Variants in C16orf89 observed in about 807,000 individuals in gnomAD.
C16orf89 encodes UPF0764 protein C16orf89.
Under a neutral mutation model 41.5 loss-of-function variants are expected in C16orf89, and 57 were observed. That is an observed-to-expected ratio of 1.38 (90% CI 1.11 to 1.71). The LOEUF is 1.71. Ranked by LOEUF, C16orf89 falls within the 40% of genes most tolerant of loss-of-function variation. The pLI is 0.00. For synonymous variants in C16orf89, 223 were observed against 190.6 expected, an observed-to-expected ratio of 1.17 and a Z score of -1.40; for missense variants, 575 against 445.9, an observed-to-expected ratio of 1.29 and a Z score of -2.61.
chr16:5,057,004 C>G (rs1956521619), intron 4 of C16orf89, among the ~76,000 whole-genome samples: 1 of 150,960 alleles, frequency 6.6e-6, no homozygotes, highest in African/African-American at 2.4e-5. Flanking sequence ...CTTTGGGAGG[C>G]CGAGGCGGGT....
At chr16:5,055,803 G>C in intron 5 of C16orf89, 4 of 1,444,524 alleles carry the variant, frequency 2.8e-6, no homozygotes, top group Non-Finnish European at 3.8e-6. Context: ...GATAAACAAT[G>C]AATATAATTT....
At chr16:5,046,162 A>T (rs891678180) in intron 7 of C16orf89, among the ~76,000 whole-genome samples, 8 of 151,942 alleles carry the variant, frequency 5.3e-5, no homozygotes, top group African/African-American at 1.9e-4. Flanking sequence ...GACTCACTGG[A>T]TTTCTGCTTT....
chr16:5,051,003 T>A (rs1440417138), intron 6 of C16orf89, among the ~76,000 whole-genome samples: 1 of 152,180 alleles, frequency 6.6e-6, no homozygotes, highest in East Asian at 1.9e-4. Flanking sequence ...AAATTTAACA[T>A]CCCTTCATGA....
chr16:5,046,844 T>C (rs1956306494), intron 7 of C16orf89, among the ~76,000 whole-genome samples: 1 of 152,132 alleles, frequency 6.6e-6, no homozygotes, highest in Non-Finnish European at 1.5e-5. Flanking sequence ...CAACTGACCA[T>C]ACAGTTTATT....
chr16:5,057,298 A>G (rs542586639), intron 4 of C16orf89, among the ~76,000 whole-genome samples: 1 of 146,982 alleles, frequency 6.8e-6, no homozygotes, highest in South Asian at 2.1e-4. Flanking sequence ...ATGTGTATAT[A>G]TATATATAGT....
At chr16:5,044,636 G>T in intron 7 of C16orf89, 158 bp from the exon 8 acceptor site, 1 of 1,377,862 alleles carries the variant, frequency 7.3e-7, no homozygotes, top group Non-Finnish European at 9.9e-7. Context: ...GAGATCAGGA[G>T]TTCGAGACCA....
At chr16:5,063,711 C>T (rs563992977) in intron 1 of C16orf89, among the ~76,000 whole-genome samples, 3 of 152,200 alleles carry the variant, frequency 2.0e-5, no homozygotes, top group African/African-American at 4.8e-5. Context: ...GCCCGATGAT[C>T]TGAGACCGTC....
At position 5,060,417 on chromosome 16, in the gene C16orf89, C is replaced by G. The variant is rs750131327; in HGVS notation, c.378G>C (p.Gln126His). 3 of 1,612,990 alleles carry G rather than the reference C, an allele frequency of 1.9e-6. No homozygotes were observed. The highest frequency in any genetic ancestry group is 2.7e-5 in the African/African-American group (2 of 75,006). Residue 126 changes from glutamine (Q) to histidine (H), a missense_variant, in exon 3 of 8, where the codon CAG (glutamine) becomes CAC (histidine). By Grantham distance (24) the Gln-to-His change is conservative (BLOSUM62 0). Coordinates refer to ENST00000472572, the MANE Select transcript of C16orf89 (RefSeq NM_001098514.3). ...CATGTGGGAGCTTCCAAAACCCGGG[C>G]TGGAGGGTCAGCTGGAACTCTGGCA... ...KYLREFQLTLQPGFWKLPHAW... is the reference protein window; with the variant it reads ...KYLREFQLTLHPGFWKLPHAW...
At chr16:5,048,087 A>G (rs1777038045) in intron 6 of C16orf89, 123 bp from the exon 7 acceptor site, 1 of 635,388 alleles carries the variant, frequency 1.6e-6, no homozygotes, top group Non-Finnish European at 2.8e-6. Flanking sequence ...GGGTGCAGTA[A>G]CGCAATCATA....
Position 5,062,586 on chromosome 16 carries a change from C to T in C16orf89, c.209-12G>A. On this transcript the variant is annotated splice_polypyrimidine_tract_variant and intron_variant, in intron 1 of 7. Transcript: ENST00000472572. The stretch of plus-strand genomic sequence containing the variant: ...ACTTTTTAGCTGCTCTGGAAGGGAA[C>T]AGAGTTAATTCATTCAACTATTTGG... The T allele has an allele frequency of 2.5e-6, 4 of 1,590,476 alleles. No individual in the cohort carries two copies. Among genetic ancestry groups the T allele is most frequent in the Non-Finnish European group, 3.4e-6 (4 of 1,169,832 alleles).
At chr16:5,058,147 A>C (rs1169971288) in intron 4 of C16orf89, among the ~76,000 whole-genome samples, 7 of 151,132 alleles carry the variant, frequency 4.6e-5, no homozygotes, top group Admixed American at 4.6e-4. Flanking sequence ...TTTTTTTTTG[A>C]GGCAGAGTCT....
At chr16:5,055,450 G>T (rs987491221) in intron 5 of C16orf89, 100 bp from the exon 6 acceptor site, 3 of 1,188,936 alleles carry the variant, frequency 2.5e-6, no homozygotes, top group Non-Finnish European at 3.6e-6. Flanking sequence ...CATCTGCCTG[G>T]GTTAGGCTTA....
At chr16:5,054,455 T>C (rs1050186656) in intron 6 of C16orf89, among the ~76,000 whole-genome samples, 3 of 152,200 alleles carry the variant, frequency 2.0e-5, no homozygotes, top group Non-Finnish European at 4.4e-5. Context: ...CCTGGACTTC[T>C]CTTCTTCCTC....
chr16:5,050,183 T>C (rs1030379338), intron 6 of C16orf89, among the ~76,000 whole-genome samples: 27 of 152,064 alleles, frequency 1.8e-4, no homozygotes, highest in Admixed American at 7.9e-4. Flanking sequence ...GCCTGGTCAA[T>C]ATGATGAAAC....
In C16orf89 at chr16:5,055,342, A is replaced by G; in HGVS notation, c.772T>C (p.Cys258Arg). The change falls in exon 6 of 8, where the codon TGT (cysteine) becomes CGT (arginine). Residue 258 changes from cysteine (C) to arginine (R), a missense_variant. Cys to Arg is a radical substitution (Grantham distance 180). Transcript: ENST00000472572. ...RDIFMENIMF[C>R]GMGGFSDFYK... ...AAGTCGGAGAAGCCGCCCATTCCACAGAACATGACTGGAAGTAAAGACGGG... is the reference window on the plus strand; with the variant it reads ...AAGTCGGAGAAGCCGCCCATTCCACGGAACATGACTGGAAGTAAAGACGGG... 6.2e-7 allele frequency: 1 copy of G among 1,610,284 alleles called. No individual in the cohort carries two copies. Among genetic ancestry groups the G allele is most frequent in the African/African-American group, 1.3e-5 (1 of 74,892 alleles).
intron 4 of C16orf89, among the ~76,000 whole-genome samples, chr16:5,058,281 C>G (rs1457096641): frequency 6.6e-6 from 1 of 152,016 alleles, no homozygotes; most frequent in Non-Finnish European, 1.5e-5. Context: ...GTGCACGCCA[C>G]CACGTCCAGC....
At chr16:5,056,631 G>A (rs1956513094) in intron 4 of C16orf89, among the ~76,000 whole-genome samples, 1 of 152,044 alleles carries the variant, frequency 6.6e-6, no homozygotes, top group Non-Finnish European at 1.5e-5. Context: ...GCTACTCAAA[G>A]TGTGGGCCAA....
At chr16:5,053,263 G>C (rs966383595) in intron 6 of C16orf89, among the ~76,000 whole-genome samples, 4 of 152,020 alleles carry the variant, frequency 2.6e-5, no homozygotes, top group Non-Finnish European at 5.9e-5. Flanking sequence ...CCAGCTACTC[G>C]GGAGGCTGAG....
In C16orf89 at chr16:5,045,362, G is replaced by A. The variant is rs747891786; in HGVS notation, c.956-884C>T. Among the ~76,000 whole-genome samples the A allele has an allele frequency of 5.3e-5, 8 of 152,204 alleles. No individual in the cohort carries two copies. In the South Asian group the frequency reaches 8.3e-4, roughly 16 times the overall value. On this transcript the variant is annotated intron_variant, in intron 7 of 7. Coordinates refer to ENST00000472572, the MANE Select transcript of C16orf89 (RefSeq NM_001098514.3). Reference sequence around the variant, plus strand: ...CCCGTGTGACCTCATGGCTCATGGAGTCAGAGTCTCAGGCCTGAGCACTTG... The same window carrying A: ...CCCGTGTGACCTCATGGCTCATGGAATCAGAGTCTCAGGCCTGAGCACTTG...
Sources: allele counts gnomAD v4.1 joint callset (sites outside exome capture counted in the v4.1 genomes callset), GRCh38; gene constraint gnomAD v4.1.1; transcripts MANE v1.5; gene names NCBI Gene and HGNC (gene_info 2026-07-23, HGNC 2026-07-21).